The following NIPBL variants were observed in gnomAD, a reference collection of about 807,000 sequenced individuals.
NIPBL encodes NIPBL cohesin loading factor.
NIPBL carries 19 observed loss-of-function variants against 321.8 expected under a neutral mutation model. The observed-to-expected ratio is 0.06, with a 90% CI of 0.04 to 0.09. The LOEUF (loss-of-function observed/expected upper bound fraction) is 0.09, where lower values mean the gene tolerates loss of function less well. Among genes scored for constraint, NIPBL ranks in the 10% least tolerant of loss-of-function variants. The pLI, the probability that NIPBL is intolerant of heterozygous loss-of-function variation, is 1.00. For missense variants in NIPBL, 2,210 were observed against 3,327.0 expected (o/e 0.66, Z 8.26); for synonymous variants, 1,106 against 1,114.1 (o/e 0.99, Z 0.14).
rs1353935112 is a variant in NIPBL at position 37,064,147 on chromosome 5, G to T, written c.8049+169G>T. On this transcript the variant is annotated intron_variant, in intron 46 of 46. Transcript: ENST00000282516. Reference sequence around the variant, plus strand: ...TTACCCGTTTATACATCCTTTTGTAGAAAGTTTAACATAAAAGACAATAAA... The same window carrying T: ...TTACCCGTTTATACATCCTTTTGTATAAAGTTTAACATAAAAGACAATAAA... 2.1e-6 allele frequency: 3 copies of T among 1,429,922 alleles called. No individual in the cohort carries two copies. The African/African-American group carries it at 4.3e-5, about 21-fold the overall frequency. 88.6% of individuals were successfully genotyped at this position (1,429,922 alleles called of 1,614,324 possible).
intron 1 of NIPBL, among the ~76,000 whole-genome samples, chr5:36,947,827 A>G (rs1739854878): frequency 6.6e-6 from 1 of 151,938 alleles, no homozygotes; most frequent in African/African-American, 2.4e-5. Flanking sequence ...CCGACCCCTA[A>G]TCATTGTTAA....
At chr5:36,910,624 C>A (rs1268460416) in intron 1 of NIPBL, among the ~76,000 whole-genome samples, 2 of 152,098 alleles carry the variant, frequency 1.3e-5, no homozygotes, top group African/African-American at 4.8e-5. Context: ...GAGTATACCT[C>A]AATGAAAATA....
chr5:36,913,209 G>A (rs1748184063), intron 1 of NIPBL, among the ~76,000 whole-genome samples: 2 of 152,114 alleles, frequency 1.3e-5, no homozygotes, highest in Admixed American at 1.3e-4. Context: ...ATAATTTATT[G>A]TTGTATAGGA....
At chr5:36,955,739 T>C in intron 3 of NIPBL, 102 bp downstream of exon 3, 1 of 873,952 alleles carries the variant, frequency 1.1e-6, no homozygotes, top group Non-Finnish European at 1.9e-6. Flanking sequence ...AGATACATAG[T>C]TTATTTTTTA....
intron 1 of NIPBL, among the ~76,000 whole-genome samples, chr5:36,909,520 C>T (rs1175960477): frequency 6.6e-6 from 1 of 152,046 alleles, no homozygotes; most frequent in African/African-American, 2.4e-5. Flanking sequence ...TTCTAGGAAT[C>T]TAGCCTGTAG....
chr5:37,050,090 G>C (rs1753371767), intron 40 of NIPBL, among the ~76,000 whole-genome samples: 1 of 152,048 alleles, frequency 6.6e-6, no homozygotes, highest in Non-Finnish European at 1.5e-5. Context: ...AGTACATTGA[G>C]ACTGTCACCT....
chr5:36,965,194 A>G (rs1380533492), intron 6 of NIPBL, among the ~76,000 whole-genome samples: 1 of 152,148 alleles, frequency 6.6e-6, no homozygotes, highest in Non-Finnish European at 1.5e-5. Flanking sequence ...TCCAAAAGAA[A>G]GGGAATCAGT....
At chr5:37,064,183 T>C (rs1285894209) in intron 46 of NIPBL, 5 of 1,415,806 alleles carry the variant, frequency 3.5e-6, no homozygotes, top group Non-Finnish European at 4.6e-6. Flanking sequence ...AAAACAGAAA[T>C]GAGATTTATC....
intron 6 of NIPBL, among the ~76,000 whole-genome samples, chr5:36,962,860 A>G (rs984672826): frequency 5.9e-5 from 9 of 152,176 alleles, no homozygotes; most frequent in African/African-American, 2.2e-4. Flanking sequence ...ATAGGGCTAT[A>G]TGCAAGTACT....
In NIPBL at chr5:37,061,027, T is replaced by G. The variant is rs587784051; in HGVS notation, c.7860+9T>G. 6.2e-7 allele frequency: 1 copy of G among 1,613,272 alleles called. No individual in the cohort carries two copies. The highest frequency in any genetic ancestry group is 8.5e-7 in the Non-Finnish European group (1 of 1,179,356). On this transcript the variant is annotated intron_variant, in intron 45 of 46. Coordinates refer to ENST00000282516, the MANE Select transcript of NIPBL (RefSeq NM_133433.4). Reference sequence around the variant, plus strand: ...TAAAACAGTATCTAGATGTGAGTAGTAAAACCAAAAGTTTTTACTTCTCAT... The same window carrying G: ...TAAAACAGTATCTAGATGTGAGTAGGAAAACCAAAAGTTTTTACTTCTCAT...
At position 37,044,439 on chromosome 5, in the gene NIPBL, C is replaced by G; in HGVS notation, c.6201C>G (p.Ala2067=). 1 of 1,613,880 alleles carries G rather than the reference C, an allele frequency of 6.2e-7. No homozygotes were observed. The highest frequency in any genetic ancestry group is 1.3e-5 in the African/African-American group (1 of 75,022). ...LMEHPSETFL[A]TIEEDLMKLI... is the part of the protein sequence containing the mutation. ...AGCATCCAAGTGAAACTTTTCTTGC[C>G]ACTATTGAGGAAGATCTAATGAAGC... Residue 2067 remains alanine (A), a synonymous_variant, in exon 35 of 47, where the codon GCC becomes GCG. Coordinates refer to ENST00000282516, the MANE Select transcript of NIPBL (RefSeq NM_133433.4).
chr5:36,977,570 C>T (rs572609451), intron 9 of NIPBL, among the ~76,000 whole-genome samples: 1 of 148,732 alleles, frequency 6.7e-6, no homozygotes, highest in African/African-American at 2.5e-5. Context: ...CTTCATTTTA[C>T]TGGCTAGGGA....
In NIPBL at chr5:36,956,027, C is replaced by T. The variant is rs555401306; in HGVS notation, c.230+390C>T. Among the ~76,000 whole-genome samples the T allele has an allele frequency of 2.7e-5, 4 of 150,702 alleles. No homozygotes were observed. In the South Asian group the frequency reaches 8.4e-4, roughly 32 times the overall value. On this transcript the variant is annotated intron_variant, in intron 3 of 46. Coordinates refer to ENST00000282516, the MANE Select transcript of NIPBL (RefSeq NM_133433.4). ...ACGAGATCAAGAGATTGAGACCATC[C>T]TGGCCAACATGGTGAAACCCCATCT...
At chr5:37,014,203 G>A (rs1176163163) in intron 21 of NIPBL, among the ~76,000 whole-genome samples, 1 of 151,768 alleles carries the variant, frequency 6.6e-6, no homozygotes, top group African/African-American at 2.4e-5. Flanking sequence ...CGTGGAAAGA[G>A]AGGGAGAGGG....
intron 16 of NIPBL, among the ~76,000 whole-genome samples, chr5:37,006,108 A>ATC (rs1489849428): frequency 6.6e-6 from 1 of 152,136 alleles, no homozygotes; most frequent in Admixed American, 6.5e-5. Context: ...ATATAAAGAT[A>ATC]ATTATAACTT....
chr5:36,993,506 A>G (rs1325533847), intron 10 of NIPBL, among the ~76,000 whole-genome samples: 2 of 152,210 alleles, frequency 1.3e-5, no homozygotes, highest in Non-Finnish European at 2.9e-5. Context: ...TGCTCTGGGA[A>G]CATAATCCAT....
In NIPBL at chr5:36,985,690, A is replaced by G; in HGVS notation, c.2510A>G (p.Gln837Arg). 1 of 1,613,964 alleles carries G rather than the reference A, an allele frequency of 6.2e-7. No homozygotes were observed. Among genetic ancestry groups the G allele is most frequent in the Non-Finnish European group, 8.5e-7 (1 of 1,179,964 alleles). The part of the protein sequence containing the change: ...RGESERHRGD[Q>R]SRVRRPETLR... ...GAATCAGAGCGACATCGAGGGGATC[A>G]GTCTAGGGTTCGAAGACCAGAAACA... The change falls in exon 10 of 47, where the codon CAG (glutamine) becomes CGG (arginine). Residue 837 changes from glutamine (Q) to arginine (R), a missense_variant. This residue lies in a region of NIPBL where 588 missense variants were observed against 564.1 expected (regional missense o/e 1.04). Transcript: ENST00000282516.
chr5:36,944,454 G>C (rs1316474934), intron 1 of NIPBL, among the ~76,000 whole-genome samples: 8 of 152,046 alleles, frequency 5.3e-5, no homozygotes. Flanking sequence ...TTGAAGAACT[G>C]AAGATCAAAA....
At chr5:36,954,480 A>C (rs1445857544) in intron 2 of NIPBL, among the ~76,000 whole-genome samples, 2 of 152,174 alleles carry the variant, frequency 1.3e-5, no homozygotes, top group Non-Finnish European at 2.9e-5. Context: ...AGAGTGCTGT[A>C]GGTGATTGGG....
Sources: allele counts gnomAD v4.1 joint callset (sites outside exome capture counted in the v4.1 genomes callset), GRCh38; gene constraint gnomAD v4.1.1; regional missense constraint gnomAD v4.1.1; transcripts MANE v1.5; gene names NCBI Gene and HGNC (gene_info 2026-07-23, HGNC 2026-07-21).